FAM169A: variants seen among roughly 807,000 people sequenced by gnomAD.
FAM169A encodes the protein family with sequence similarity 169 member A.
In FAM169A, 24 loss-of-function variants were observed where a neutral mutation model predicts 75.7. That is an observed-to-expected ratio of 0.32 (90% CI 0.23 to 0.45). The LOEUF (loss-of-function observed/expected upper bound fraction) is 0.45. Ranked by LOEUF, FAM169A falls within the 20% of genes least tolerant of loss-of-function variation. FAM169A has a pLI of 1.00. For missense variants in FAM169A, 673 were observed against 784.0 expected, an observed-to-expected ratio of 0.86 and a Z score of 1.69; for synonymous variants, 271 against 271.0, an observed-to-expected ratio of 1.00 and a Z score of 0.00.
intron 11 of FAM169A, among the ~76,000 whole-genome samples, chr5:74,792,162 G>C (rs1287455416): frequency 6.6e-6 from 1 of 152,280 alleles, no homozygotes; most frequent in South Asian, 2.1e-4. Context: ...TATGATCTCA[G>C]CAAGTGTGTA....
intron 8 of FAM169A, 52 bp from the exon 9 acceptor site, chr5:74,801,681 A>G (rs1449009396): frequency 2.2e-6 from 3 of 1,343,534 alleles, no homozygotes; most frequent in Admixed American, 1.9e-5. Context: ...TTTTCTCCCT[A>G]TGGATCTATT....
intron 1 of FAM169A, among the ~76,000 whole-genome samples, chr5:74,847,614 ATAATT>A (rs1749222723): frequency 6.6e-6 from 1 of 152,226 alleles, no homozygotes; most frequent in Non-Finnish European, 1.5e-5. Context: ...TAAATTTCCT[ATAATT>A]TAAATGTTCA....
In FAM169A at chr5:74,866,375, G is replaced by A; in HGVS notation, c.-214C>T. 1 of 984,284 alleles carries A rather than the reference G, an allele frequency of 1.0e-6. No homozygotes were observed. Among genetic ancestry groups the A allele is most frequent in the African/African-American group, 1.7e-5 (1 of 57,200 alleles). The allele number at this position is 984,284 out of a possible 1,614,324, so 61.0% of individuals were successfully genotyped here. On this transcript the variant is annotated 5_prime_UTR_variant, in exon 1 of 13. Transcript: ENST00000687041. ...GCCGCGGCCCACCGTGCCCTCCGACGACGTGACGCACTAGCGCCGCAGCGC... is the reference window on the plus strand; with the variant it reads ...GCCGCGGCCCACCGTGCCCTCCGACAACGTGACGCACTAGCGCCGCAGCGC...
chr5:74,799,358 T>G, intron 10 of FAM169A: 1 of 1,611,036 alleles, frequency 6.2e-7, no homozygotes, highest in Non-Finnish European at 8.5e-7. Context: ...CTCATTTCAG[T>G]TTGTTACTTT....
At chr5:74,804,382 T>C (rs1056484374) in intron 8 of FAM169A, 111 bp downstream of exon 8, 11 of 443,288 alleles carry the variant, frequency 2.5e-5, no homozygotes, top group Non-Finnish European at 4.0e-5. Context: ...AGAAATTACA[T>C]AGCTTTGTTG....
At chr5:74,829,176 C>T (rs1339373560) in intron 5 of FAM169A, among the ~76,000 whole-genome samples, 1 of 152,168 alleles carries the variant, frequency 6.6e-6, no homozygotes, top group East Asian at 1.9e-4. Context: ...GCTTTCTCTG[C>T]AGTTTTCATC....
At chr5:74,794,113 G>C (rs920242124) in intron 11 of FAM169A, among the ~76,000 whole-genome samples, 1 of 151,000 alleles carries the variant, frequency 6.6e-6, no homozygotes, top group Non-Finnish European at 1.5e-5. Flanking sequence ...GAGGCCGAGA[G>C]GAGCGGATCA....
At position 74,779,225 on chromosome 5, in the gene FAM169A, A is replaced by C. The variant is rs888516329; in HGVS notation, c.*2235T>G. ...TATATGATTAATAAACATTTTTTGT[A>C]AACTCAACTATATTCACACATCAAG... On this transcript the variant is annotated 3_prime_UTR_variant, in exon 13 of 13. Coordinates refer to ENST00000687041, the MANE Select transcript of FAM169A (RefSeq NM_001376049.1). 1 of 152,152 alleles carries C rather than the reference A, an allele frequency of 6.6e-6. No individual in the cohort carries two copies. Among genetic ancestry groups the C allele is most frequent in the African/African-American group, 2.4e-5 (1 of 41,446 alleles). 9.4% of individuals were successfully genotyped at this position (152,152 alleles called of 1,614,324 possible).
chr5:74,799,071 T>C, intron 10 of FAM169A: 1 of 1,007,944 alleles, frequency 9.9e-7, no homozygotes, highest in Admixed American at 1.7e-5. Context: ...TTGCCCTCAG[T>C]GTCAATAATC....
At chr5:74,808,406 G>C (rs1746997284) in intron 6 of FAM169A, among the ~76,000 whole-genome samples, 1 of 150,466 alleles carries the variant, frequency 6.6e-6, no homozygotes, top group Non-Finnish European at 1.5e-5. Context: ...ATTCCATTTA[G>C]ATGAGGTAGC....
intron 8 of FAM169A, among the ~76,000 whole-genome samples, chr5:74,803,508 ACACT>A (rs1746695609): frequency 1.3e-5 from 2 of 152,146 alleles, no homozygotes; most frequent in South Asian, 4.1e-4. Flanking sequence ...GTTGTTTCTA[ACACT>A]CACCAAAAAT....
At chr5:74,826,836 G>A (rs1748054990) in intron 5 of FAM169A, among the ~76,000 whole-genome samples, 1 of 152,120 alleles carries the variant, frequency 6.6e-6, no homozygotes, top group South Asian at 2.1e-4. Flanking sequence ...TTCCACTAAT[G>A]TTCTTTTCTG....
At chr5:74,829,041 C>T (rs1748179666) in intron 5 of FAM169A, among the ~76,000 whole-genome samples, 1 of 152,182 alleles carries the variant, frequency 6.6e-6, no homozygotes, top group Non-Finnish European at 1.5e-5. Flanking sequence ...CGCCTGAGGT[C>T]AATGAATTTT....
At chr5:74,801,763 T>A (rs1746592013) in intron 8 of FAM169A, 134 bp from the exon 9 acceptor site, 2 of 678,796 alleles carry the variant, frequency 2.9e-6, no homozygotes, top group Admixed American at 2.7e-5. Flanking sequence ...ACATTTACTT[T>A]AAAAATAAAA....
chr5:74,799,098 TAAG>T, intron 10 of FAM169A: 3 of 981,900 alleles, frequency 3.1e-6, no homozygotes, highest in Non-Finnish European at 5.0e-6. Context: ...TGCACATCTA[TAAG>T]AAGAATGGGC....
chr5:74,854,082 T>C (rs987722028), intron 1 of FAM169A, among the ~76,000 whole-genome samples: 1 of 152,088 alleles, frequency 6.6e-6, no homozygotes, highest in African/African-American at 2.4e-5. Flanking sequence ...CAATGCATAA[T>C]AATCACACCA....
chr5:74,845,942 T>C (rs548510240), intron 1 of FAM169A, among the ~76,000 whole-genome samples: 2 of 152,342 alleles, frequency 1.3e-5, no homozygotes, highest in Admixed American at 6.5e-5. Flanking sequence ...AACATTATGT[T>C]CTATAGTCAG....
chr5:74,825,042 A>C (rs1747952726), intron 5 of FAM169A, among the ~76,000 whole-genome samples: 1 of 152,122 alleles, frequency 6.6e-6, no homozygotes, highest in Non-Finnish European at 1.5e-5. Flanking sequence ...GACTATATAA[A>C]TGCTTTTGAC....
chr5:74,866,500 C>T (rs1036999715), upstream of FAM169A: 2 of 650,882 alleles, frequency 3.1e-6, no homozygotes, highest in African/African-American at 2.0e-5. Flanking sequence ...GCCGCCCTGC[C>T]TCCCTCCAGC....
Sources: allele counts gnomAD v4.1 joint callset (sites outside exome capture counted in the v4.1 genomes callset), GRCh38; gene constraint gnomAD v4.1.1; transcripts MANE v1.5; gene names NCBI Gene and HGNC (gene_info 2026-07-23, HGNC 2026-07-21).